Variants in RBFOX1 observed in about 807,000 individuals in gnomAD.
RBFOX1 encodes RNA binding protein fox-1 homolog 1.
Under a neutral mutation model 57.7 loss-of-function variants are expected in RBFOX1, and 8 were observed. The ratio of observed to expected loss-of-function variants is 0.14; its 90% CI spans 0.08 to 0.25. RBFOX1 has a LOEUF of 0.25. Ranked by LOEUF, RBFOX1 falls within the 10% of genes least tolerant of loss-of-function variation. RBFOX1 has a pLI of 1.00. For synonymous variants in RBFOX1, 326 were observed against 222.4 expected (o/e 1.47, Z -4.15); for missense variants, 611 against 548.5 (o/e 1.11, Z -1.14).
intron 1 of RBFOX1, among the ~76,000 whole-genome samples, chr16:6,172,065 C>A (rs893105320): frequency 1.3e-5 from 2 of 152,092 alleles, no homozygotes; most frequent in Non-Finnish European, 2.9e-5. Context: ...TCATGATATG[C>A]CTGCCTCTGC....
intron 5 of RBFOX1, among the ~76,000 whole-genome samples, chr16:7,550,467 C>G (rs1218907367): frequency 6.6e-6 from 1 of 152,084 alleles, no homozygotes; most frequent in Non-Finnish European, 1.5e-5. Flanking sequence ...TTGAATGTCT[C>G]TTCCATTTTT....
intron 1 of RBFOX1, among the ~76,000 whole-genome samples, chr16:5,413,802 AG>A (rs1262396069): frequency 2.0e-5 from 3 of 152,194 alleles, no homozygotes; most frequent in East Asian, 3.9e-4. Context: ...GGTAGGGGTG[AG>A]GTGTGGAGGG....
intron 3 of RBFOX1, among the ~76,000 whole-genome samples, chr16:6,799,942 G>C (rs960209099): frequency 3.9e-5 from 6 of 152,122 alleles, no homozygotes; most frequent in Admixed American, 2.0e-4. Context: ...ACTTCGTCTT[G>C]TGATGATGTG....
At chr16:5,454,924 TTTC>T (rs2068562609) in intron 1 of RBFOX1, among the ~76,000 whole-genome samples, 11 of 51,020 alleles carry the variant, frequency 2.2e-4, no homozygotes, top group East Asian at 7.5e-4. Context: ...CCTTTGTTTC[TTTC>T]TTCCTTCCTT....
chr16:6,424,513 C>G (rs932887010), intron 2 of RBFOX1, among the ~76,000 whole-genome samples: 6 of 152,236 alleles, frequency 3.9e-5, no homozygotes, highest in African/African-American at 1.4e-4. Flanking sequence ...TACTGCTCAG[C>G]ATCTTTCAGG....
At chr16:6,583,617 C>G (rs773979448) in intron 2 of RBFOX1, among the ~76,000 whole-genome samples, 8 of 152,210 alleles carry the variant, frequency 5.3e-5, no homozygotes, top group Admixed American at 5.2e-4. Context: ...CTCTGTAACT[C>G]TTAGTTCTTT....
chr16:5,289,215 C>A (rs372736004), intron 1 of RBFOX1: 37 of 333,858 alleles, frequency 1.1e-4, no homozygotes, highest in African/African-American at 7.0e-4. Flanking sequence ...CTGGTCGAGT[C>A]ATTCTGGGCT....
intron 4 of RBFOX1, among the ~76,000 whole-genome samples, chr16:7,159,784 C>T (rs944229168): frequency 2.6e-5 from 4 of 152,160 alleles, no homozygotes; most frequent in South Asian, 2.1e-4. Context: ...AACTGGGCTC[C>T]TCCAAGAGCC....
intron 3 of RBFOX1, among the ~76,000 whole-genome samples, chr16:6,746,294 A>C (rs980961652): frequency 6.6e-6 from 1 of 152,176 alleles, no homozygotes; most frequent in Non-Finnish European, 1.5e-5. Context: ...GTGGAAGTCA[A>C]CTTGAATGGC....
At chr16:6,083,904 T>G (rs2096048407) in intron 1 of RBFOX1, among the ~76,000 whole-genome samples, 1 of 152,134 alleles carries the variant, frequency 6.6e-6, no homozygotes, top group South Asian at 2.1e-4. Context: ...GCCTGTAGAT[T>G]TATTTGGAGG....
At chr16:7,286,643 A>G (rs1320029867) in intron 4 of RBFOX1, among the ~76,000 whole-genome samples, 1 of 86,234 alleles carries the variant, frequency 1.2e-5, no homozygotes, top group African/African-American at 4.8e-5. Flanking sequence ...TTTTTTTTTG[A>G]GACAGAGTCT....
At chr16:7,013,554 G>C (rs1478175516) in intron 3 of RBFOX1, among the ~76,000 whole-genome samples, 1 of 152,224 alleles carries the variant, frequency 6.6e-6, no homozygotes, top group South Asian at 2.1e-4. Context: ...AATGTTAGCA[G>C]TGCTGATGTT....
At chr16:5,521,287 C>T (rs961283924) in intron 2 of RBFOX1, among the ~76,000 whole-genome samples, 3 of 146,374 alleles carry the variant, frequency 2.0e-5, no homozygotes, top group African/African-American at 7.6e-5. Context: ...AGGGAGGCCC[C>T]TCAAGTTTGC....
chr16:5,898,403 G>A (rs765292720), intron 4 of RBFOX1, among the ~76,000 whole-genome samples: 3 of 152,078 alleles, frequency 2.0e-5, no homozygotes, highest in Non-Finnish European at 2.9e-5. Context: ...GATCTGGTGG[G>A]CCTCTTGCTT....
At chr16:6,125,589 A>G (rs1288884498) in intron 1 of RBFOX1, among the ~76,000 whole-genome samples, 1 of 152,232 alleles carries the variant, frequency 6.6e-6, no homozygotes, top group Non-Finnish European at 1.5e-5. Flanking sequence ...GATTAAATTC[A>G]TGGGAATCGT....
chr16:7,674,641 T>A (rs2072707607), intron 13 of RBFOX1, among the ~76,000 whole-genome samples: 2 of 152,218 alleles, frequency 1.3e-5, no homozygotes, highest in African/African-American at 4.8e-5. Context: ...ACACATTTTC[T>A]GTAACTGGCC....
At chr16:5,528,793 G>A (rs909099873) in intron 2 of RBFOX1, among the ~76,000 whole-genome samples, 9 of 151,872 alleles carry the variant, frequency 5.9e-5, no homozygotes, top group Non-Finnish European at 1.3e-4. Context: ...GGGACTATAG[G>A]TCTGCACCAC....
At chr16:6,543,003 C>T (rs1365036817) in intron 2 of RBFOX1, among the ~76,000 whole-genome samples, 1 of 152,118 alleles carries the variant, frequency 6.6e-6, no homozygotes, top group African/African-American at 2.4e-5. Flanking sequence ...CATTCCTCCT[C>T]CTCTCACTCT....
intron 3 of RBFOX1, among the ~76,000 whole-genome samples, chr16:5,813,827 T>G (rs2055523810): frequency 6.6e-6 from 1 of 152,256 alleles, no homozygotes; most frequent in Admixed American, 6.5e-5. Context: ...TGATTTATTC[T>G]GACTGTGAAC....
Sources: allele counts gnomAD v4.1 joint callset (sites outside exome capture counted in the v4.1 genomes callset), GRCh38; gene constraint gnomAD v4.1.1; transcripts MANE v1.5; gene names NCBI Gene and HGNC (gene_info 2026-07-23, HGNC 2026-07-21).